Variants in CTC1 observed in about 807,000 individuals in gnomAD.
CTC1 encodes the protein CST telomere replication complex component 1, also known as CST complex subunit CTC1.
Under a neutral mutation model 136.3 loss-of-function variants are expected in CTC1, and 91 were observed. The ratio of observed to expected loss-of-function variants is 0.67; its 90% CI spans 0.56 to 0.79. CTC1 has a LOEUF of 0.79. CTC1 is among the 30% of genes least tolerant of loss of function. The pLI is 0.00. For missense variants in CTC1, 1,432 were observed against 1,498.1 expected (o/e 0.96, Z 0.73); for synonymous variants, 606 against 613.8 (o/e 0.99, Z 0.19).
In CTC1 at chr17:8,241,676, A is replaced by G. The variant is rs1036719768; in HGVS notation, c.197+1309T>C. 9.0e-4 allele frequency among the ~76,000 whole-genome samples: 136 copies of G among 151,260 alleles called. 1 individual carries two copies. The highest frequency in any genetic ancestry group is 2.2e-4 in the Non-Finnish European group (15 of 67,838). On this transcript the variant is annotated intron_variant, in intron 2 of 22. Transcript: ENST00000651323. ...TATAATGCCAACACCTTGGGAGGCC[A>G]TGGTAGGAGGACTGCTTGAGCCTGA...
rs772940912 is a variant in CTC1, at chr17:8,238,239, T to C, written c.439A>G (p.Ile147Val). 4 of 1,603,140 alleles carry C rather than the reference T, an allele frequency of 2.5e-6. No individual in the cohort carries two copies. The highest frequency in any genetic ancestry group is 3.4e-5 in the Admixed American group (2 of 59,368). ...CCCAACCAAGAAAGGTCCAGGTCTATGAGCTAAGAAAGACCAAGAGCAAGG... is the reference window on the plus strand; with the variant it reads ...CCCAACCAAGAAAGGTCCAGGTCTACGAGCTAAGAAAGACCAAGAGCAAGG... ...DNTGVLSCEL[I>V]DLDLSWLGHL... The change falls in exon 4 of 23, where the codon ATA becomes GTA. Residue 147 changes from isoleucine (I) to valine (V), a missense_variant. Ile to Val is a conservative substitution (Grantham distance 29, BLOSUM62 3). Transcript: ENST00000651323.
Position 8,228,465 on chromosome 17 carries a change from TC to T in CTC1, c.3514+37del, listed in dbSNP as rs779053803. 22 of 1,613,638 alleles carry T rather than the reference TC, an allele frequency of 1.4e-5. No individual in the cohort carries two copies. In the African/African-American group the frequency reaches 2.8e-4, roughly 21 times the overall value. ...GACCCATCTATCTCTATCACCATGATCCCCCTATCATCATGATCCCCCCGTC... is the reference window on the plus strand; with the variant it reads ...GACCCATCTATCTCTATCACCATGATCCCCTATCATCATGATCCCCCCGTC... On this transcript the variant is annotated intron_variant, in intron 22 of 22. Coordinates refer to ENST00000651323, the MANE Select transcript of CTC1 (RefSeq NM_025099.6).
In CTC1 at chr17:8,231,828, A is replaced by C. The variant is rs3027237; in HGVS notation, c.2386-13T>G. On this transcript the variant is annotated splice_polypyrimidine_tract_variant and intron_variant, in intron 13 of 22. Transcript: ENST00000651323. ...AAATGAGGTGAACCTGGGAGGATGG[A>C]GAGCAAAGTGCTGGGATCCTAGCCA... The C allele has an allele frequency of 0.021, 33,273 of 1,614,072 alleles. 838 individuals are homozygous for C. Among genetic ancestry groups the C allele is most frequent in the Admixed American group, 0.11 (6,419 of 60,010 alleles).
At position 8,227,330 on chromosome 17, in the gene CTC1, C is replaced by T. The variant is rs1986811888; in HGVS notation, c.*850G>A. On this transcript the variant is annotated 3_prime_UTR_variant, in exon 23 of 23. Coordinates refer to ENST00000651323, the MANE Select transcript of CTC1 (RefSeq NM_025099.6). ...TATCTCCAAAGAATTGTTCCTAGAT[C>T]CCCTAATTGTACGGTTGTGATTTCG... 1 of 152,142 alleles carries T rather than the reference C, an allele frequency of 6.6e-6. No homozygotes were observed. Among genetic ancestry groups the T allele is most frequent in the African/African-American group, 2.4e-5 (1 of 41,422 alleles). 9.4% of individuals were successfully genotyped at this position (152,142 alleles called of 1,614,324 possible). A position where few individuals can be genotyped will look rare whatever the true frequency, so the allele number is the denominator to read the frequency against.
chr17:8,237,268 C>T, intron 5 of CTC1, 107 bp downstream of exon 5: 1 of 1,291,472 alleles, frequency 7.7e-7, no homozygotes. Flanking sequence ...ACAGCTCTCC[C>T]CAGCTGTCCT....
At position 8,232,198 on chromosome 17, in the gene CTC1, G is replaced by C. The variant is rs1284999014; in HGVS notation, c.2090C>G (p.Ala697Gly). ...GGGTCTGGGCACAGGCAGGATCAGG[G>C]CATCAGCCAGAAAGAACTGGACATA... is the stretch of plus-strand genomic sequence containing the variant. ...RVYVQFFLAD[A>G]LILPVPRPCL... Residue 697 changes from alanine to glycine, a missense_variant, in exon 13 of 23, where the codon GCC becomes GGC. Transcript: ENST00000651323. 1 of 1,527,486 alleles carries C rather than the reference G, an allele frequency of 6.5e-7. No homozygotes were observed. Among genetic ancestry groups the C allele is most frequent in the African/African-American group, 1.4e-5 (1 of 71,860 alleles). The allele number at this position is 1,527,486 out of a possible 1,614,324, so 94.6% of individuals were successfully genotyped here.
Position 8,229,436 on chromosome 17 carries a change from G to C in CTC1, c.3022C>G (p.Pro1008Ala). ...AGAAGTTCAGCCAGGTAGATGTGGG[G>C]CAGGGGAATGCTAAATAAATACAGG... ...PPETTISIPL[P>A]HIYLAELLQG... The change falls in exon 19 of 23, where the codon CCC (proline) becomes GCC (alanine). Residue 1008 changes from proline to alanine, a missense_variant. Transcript: ENST00000651323. 3 of 1,613,024 alleles carry C rather than the reference G, an allele frequency of 1.9e-6. No homozygotes were observed. Among genetic ancestry groups the C allele is most frequent in the Non-Finnish European group, 2.5e-6 (3 of 1,179,028 alleles).
intron 1 of CTC1, among the ~76,000 whole-genome samples, chr17:8,244,580 C>T (rs559984826): frequency 6.6e-6 from 1 of 151,768 alleles, no homozygotes; most frequent in African/African-American, 2.4e-5. Flanking sequence ...GGCTGGAGTG[C>T]AATGGCGCAA....
In CTC1 at chr17:8,228,893, C is replaced by G; in HGVS notation, c.3222-1G>C. 5 of 1,609,598 alleles carry G rather than the reference C, an allele frequency of 3.1e-6. No individual in the cohort carries two copies. Among genetic ancestry groups the G allele is most frequent in the Non-Finnish European group, 4.2e-6 (5 of 1,178,476 alleles). On this transcript the variant is annotated splice_acceptor_variant, in intron 20 of 22. Coordinates refer to ENST00000651323, the MANE Select transcript of CTC1 (RefSeq NM_025099.6). LOFTEE classifies it high-confidence loss of function. ...GGCAGTCCCATCCTCCACCAGGAGC[C>G]TATGGGGAGCAGGAGGAAATAAAAA...
At chr17:8,233,647 C>T (rs1331099235) in intron 10 of CTC1, among the ~76,000 whole-genome samples, 2 of 152,118 alleles carry the variant, frequency 1.3e-5, no homozygotes, top group African/African-American at 2.4e-5. Flanking sequence ...TGGATGCCTA[C>T]AGTCCCAGCT....
At chr17:8,229,102 T>G (rs749255678) in intron 20 of CTC1, 40 bp downstream of exon 20, 4 of 1,601,232 alleles carry the variant, frequency 2.5e-6, no homozygotes, top group Non-Finnish European at 3.4e-6. Context: ...AGTGGTCTCA[T>G]AAGTAAATGG....
Position 8,225,021 on chromosome 17 carries a change from TAG to T in CTC1, c.*3157_*3158del, listed in dbSNP as rs761164873. The T allele has an allele frequency of 5.3e-5, 8 of 152,178 alleles. No homozygotes were observed. Among genetic ancestry groups the T allele is most frequent in the Non-Finnish European group, 1.2e-4 (8 of 68,044 alleles). 9.4% of individuals were successfully genotyped at this position (152,178 alleles called of 1,614,324 possible). A position where few individuals can be genotyped will look rare whatever the true frequency, so the allele number is the denominator to read the frequency against. On this transcript the variant is annotated 3_prime_UTR_variant, in exon 23 of 23. Transcript: ENST00000651323. ...CCTGGCTAATTTTTTGCATTTTTAG[TAG>T]AGACGAGGTTTCACTATGTTACCAG...
chr17:8,247,759 A>T (rs1423599671), intron 1 of CTC1: 2 of 516,558 alleles, frequency 3.9e-6, no homozygotes, highest in African/African-American at 3.9e-5. Flanking sequence ...CTGGTTTCCC[A>T]CCAGGATTAA....
rs767761553 is a variant in CTC1 at position 8,235,139 on chromosome 17, G to C, written c.1353C>G (p.Ser451=). 2 of 1,614,066 alleles carry C rather than the reference G, an allele frequency of 1.2e-6. No individual in the cohort carries two copies. Among genetic ancestry groups the C allele is most frequent in the African/African-American group, 2.7e-5 (2 of 74,930 alleles). ...GTTCCCACACCAGCTGCTCGTACAG[G>C]GAGGCCCCGTAGGCTTGACGGGATG... ...AHSSRQAYGA[S]LYEQLVWERQ... is the part of the protein sequence containing the mutation. The change falls in exon 8 of 23, where the codon TCC becomes TCG. Residue 451 remains serine, a synonymous_variant. Transcript: ENST00000651323.
Position 8,228,504 on chromosome 17 carries a change from T to A in CTC1, c.3513A>T (p.Leu1171Phe), listed in dbSNP as rs961502392. The stretch of plus-strand genomic sequence containing the variant: ...TGATCCCCCCGTCTCCAACCTTACC[T>A]AATGGGACGATCTTCGACGGTTTCC... ...LERKPSKIVP[L>F]EPPRLQRFQC... is the part of the protein sequence containing the mutation. The change falls in exon 22 of 23, where the codon TTA becomes TTT. Residue 1171 changes from leucine to phenylalanine, a missense_variant and splice_region_variant. Transcript: ENST00000651323. The A allele has an allele frequency of 6.2e-7, 1 of 1,613,940 alleles. No homozygotes were observed. Among genetic ancestry groups the A allele is most frequent in the Non-Finnish European group, 8.5e-7 (1 of 1,179,998 alleles).
intron 2 of CTC1, 30 bp from the exon 3 acceptor site, chr17:8,238,659 A>G: frequency 6.6e-7 from 1 of 1,517,266 alleles, no homozygotes; most frequent in East Asian, 2.3e-5. Flanking sequence ...GAGGTCCTGC[A>G]AAGCCAGGTC....
intron 17 of CTC1, 136 bp downstream of exon 17, chr17:8,230,158 G>A (rs946195317): frequency 2.0e-6 from 2 of 1,020,430 alleles, no homozygotes; most frequent in African/African-American, 3.2e-5. Context: ...GGTACTGGCT[G>A]GGCACAAATG....
intron 1 of CTC1, 96 bp downstream of exon 1, chr17:8,247,908 G>A: frequency 7.5e-7 from 1 of 1,336,894 alleles, no homozygotes; most frequent in South Asian, 1.2e-5. Flanking sequence ...GACGCGGCCA[G>A]CGAGCCCAGA....
chr17:8,238,032 T>G lies in CTC1; in HGVS notation c.646A>C (p.Arg216=). 1 of 1,611,604 alleles carries G rather than the reference T, an allele frequency of 6.2e-7. No individual in the cohort carries two copies. Among genetic ancestry groups the G allele is most frequent in the Non-Finnish European group, 8.5e-7 (1 of 1,178,096 alleles). The change falls in exon 4 of 23, where the codon AGA becomes CGA. Residue 216 remains arginine, a splice_region_variant and synonymous_variant. Transcript: ENST00000651323. ...GCCATGCCTAGAGGGGGAAATTACC[T>G]GAGCCTGAGCAGGCAGGAAGCACTC... ...PESASCLLRL[R]NKLRGVQRNL... is the part of the protein sequence containing the mutation.
Sources: gnomAD v4.1 joint callset for allele counts (sites outside exome capture counted in the v4.1 genomes callset) on GRCh38, gnomAD v4.1.1 for gene constraint, MANE v1.5 for transcripts, NCBI Gene and HGNC (gene_info 2026-07-23, HGNC 2026-07-21) for gene names.